The following GLT1D1 variants were observed in gnomAD, a reference collection of about 807,000 sequenced individuals.
GLT1D1 encodes the protein glycosyltransferase 1 domain-containing protein 1.
In GLT1D1, 21 loss-of-function variants were observed where a neutral mutation model predicts 28.7. The ratio of observed to expected loss-of-function variants is 0.73; its 90% CI spans 0.52 to 1.05. GLT1D1 has a LOEUF of 1.05. GLT1D1 is among the 50% of genes least tolerant of loss of function. GLT1D1 has a pLI of 0.00. For missense variants in GLT1D1, 343 were observed against 330.6 expected (o/e 1.04, Z -0.29); for synonymous variants, 147 against 124.8 (o/e 1.18, Z -1.19).
chr12:128,970,098 T>C (rs961482166), intron 7 of GLT1D1, among the ~76,000 whole-genome samples: 1 of 152,158 alleles, frequency 6.6e-6, no homozygotes, highest in Non-Finnish European at 1.5e-5. Context: ...CCGAAGGCCG[T>C]TTCTGGGGTA....
At chr12:128,964,129 G>A (rs1878227890) in intron 7 of GLT1D1, among the ~76,000 whole-genome samples, 1 of 152,150 alleles carries the variant, frequency 6.6e-6, no homozygotes, top group Non-Finnish European at 1.5e-5. Flanking sequence ...GCTGGCTCAT[G>A]CCTGTAATCC....
chr12:128,859,623 T>A (rs895111218), intron 1 of GLT1D1, among the ~76,000 whole-genome samples: 17 of 152,178 alleles, frequency 1.1e-4, no homozygotes, highest in Non-Finnish European at 1.5e-5. Flanking sequence ...GGTCAGGAGA[T>A]GTGGCTGGAG....
At chr12:128,863,546 A>AT (rs1246647354) in intron 1 of GLT1D1, among the ~76,000 whole-genome samples, 1 of 145,348 alleles carries the variant, frequency 6.9e-6, no homozygotes, top group Non-Finnish European at 1.5e-5. Flanking sequence ...CTAATTTGGT[A>AT]TTTTTTTAGT....
At chr12:128,957,760 C>T (rs1462136679) in intron 7 of GLT1D1, 117 bp downstream of exon 11, 14 of 672,280 alleles carry the variant, frequency 2.1e-5, no homozygotes, top group Admixed American at 4.4e-5. Flanking sequence ...CGGAGCCCTG[C>T]GGAGAGCATG....
chr12:128,914,457 G>C lies in GLT1D1; in HGVS notation c.375+15170G>C, dbSNP rs186665266. On this transcript the variant is annotated intron_variant, in intron 4 of 7. Transcript: ENST00000281703. ...AACCCTCCTGTGCTGAAGGATTCAT[G>C]GGACTTCAGTGACACACTCAGAGCA... Among the ~76,000 whole-genome samples, 389 of 152,242 alleles carry C rather than the reference G, an allele frequency of 2.6e-3. 1 individual carries two copies. Among genetic ancestry groups the C allele is most frequent in the African/African-American group, 9.0e-3 (373 of 41,540 alleles).
chr12:128,947,416 G>A lies in GLT1D1; in HGVS notation c.498G>A (p.Val166=). 6.2e-7 allele frequency: 1 copy of A among 1,614,146 alleles called. No individual in the cohort carries two copies. The highest frequency in any genetic ancestry group is 8.5e-7 in the Non-Finnish European group (1 of 1,180,024). Residue 166 remains valine, a synonymous_variant, in exon 6 of 8, where the codon GTG becomes GTA. Transcript: ENST00000281703. ...TGGTGAAGAATTGCTTCGCGGTGGT[G>A]AATAGCTCTGTCTCTGAAGGCATGT...
At chr12:128,935,300 G>A (rs977922800) in intron 4 of GLT1D1, among the ~76,000 whole-genome samples, 10 of 152,268 alleles carry the variant, frequency 6.6e-5, no homozygotes. Flanking sequence ...TAATCCTTTT[G>A]GGAGGCTGAG....
At chr12:128,888,539 C>A (rs771150172) in intron 2 of GLT1D1, 100 bp from the exon 3 acceptor site, 3 of 729,196 alleles carry the variant, frequency 4.1e-6, no homozygotes, top group East Asian at 2.7e-5. Flanking sequence ...ACAGCTCCGG[C>A]GATCTGGGAA....
At chr12:128,968,509 A>G (rs1878709828) in intron 7 of GLT1D1, among the ~76,000 whole-genome samples, 2 of 147,186 alleles carry the variant, frequency 1.4e-5, no homozygotes, top group South Asian at 4.2e-4. Flanking sequence ...TAAAAATACA[A>G]AAAATCAGCT....
At chr12:128,966,641 C>A (rs957546894) in intron 7 of GLT1D1, among the ~76,000 whole-genome samples, 1 of 152,160 alleles carries the variant, frequency 6.6e-6, no homozygotes, top group African/African-American at 2.4e-5. Flanking sequence ...CAGCACCTGG[C>A]ACTAAATGTG....
Position 128,982,958 on chromosome 12 carries a change from T to G in GLT1D1, c.669T>G (p.Val223=). 1 of 1,614,110 alleles carries G rather than the reference T, an allele frequency of 6.2e-7. No individual in the cohort carries two copies. Among genetic ancestry groups the G allele is most frequent in the Non-Finnish European group, 8.5e-7 (1 of 1,179,966 alleles). The change falls in exon 8 of 8, where the codon GTT becomes GTG. Residue 223 remains valine (V), a synonymous_variant. Transcript: ENST00000281703. ...TTGTTCATCTGGCAAAGAGACTGGT[T>G]AGTGATCCTGCATTAGAAAAGGAAA...
chr12:128,944,310 A>G, intron 4 of GLT1D1: 1 of 677,302 alleles, frequency 1.5e-6, no homozygotes, highest in South Asian at 1.4e-5. Flanking sequence ...GAGGAACGTC[A>G]GTTTGGAGGA....
chr12:128,878,500 G>A lies in GLT1D1; in HGVS notation c.217+2438G>A, dbSNP rs117867970. Among the ~76,000 whole-genome samples the A allele has an allele frequency of 2.5e-3, 383 of 152,278 alleles. 1 individual carries two copies. Among genetic ancestry groups the A allele is most frequent in the Non-Finnish European group, 3.7e-3 (253 of 68,032 alleles). On this transcript the variant is annotated intron_variant, in intron 2 of 7. Coordinates refer to ENST00000281703, the MANE Select transcript of GLT1D1 (RefSeq NM_144669.3). ...TTTGTGCTTCCATATTTTTGCATCC[G>A]TGCCTGAACAATCTAAATGAACTGT...
At chr12:128,887,343 CT>C (rs1868509799) in intron 2 of GLT1D1, among the ~76,000 whole-genome samples, 1 of 152,166 alleles carries the variant, frequency 6.6e-6, no homozygotes, top group African/African-American at 2.4e-5. Flanking sequence ...TCTTCCAGGT[CT>C]CTTTCCCAGA....
At chr12:128,979,758 A>AAC (rs1464868864) in intron 7 of GLT1D1, among the ~76,000 whole-genome samples, 1 of 151,990 alleles carries the variant, frequency 6.6e-6, no homozygotes, top group African/African-American at 2.4e-5. Context: ...GTCTCAAAAA[A>AAC]AAAAAGATGA....
At chr12:128,956,617 A>G (rs1877340890) in intron 6 of GLT1D1, among the ~76,000 whole-genome samples, 1 of 152,126 alleles carries the variant, frequency 6.6e-6, no homozygotes. Context: ...GGGGGTTACA[A>G]AGTGATGATT....
chr12:128,921,315 G>C (rs1279628454), intron 4 of GLT1D1, among the ~76,000 whole-genome samples: 1 of 151,936 alleles, frequency 6.6e-6, no homozygotes, highest in East Asian at 1.9e-4. Flanking sequence ...TGAGGGGAGA[G>C]GAAAGGAATA....
Position 128,983,054 on chromosome 12 carries a change from G to A in GLT1D1, c.765G>A (p.Gln255=). ...AGGTGGAAAGAGACACCTACCAACAGCTCATCAGGAAGCTGGAAGGAAGCA... is the reference window on the plus strand; with the variant it reads ...AGGTGGAAAGAGACACCTACCAACAACTCATCAGGAAGCTGGAAGGAAGCA... The change falls in exon 8 of 8, where the codon CAG becomes CAA. Residue 255 remains glutamine (Q), a synonymous_variant. Transcript: ENST00000281703. This position sits in a 1 kb window ranked among gnomAD's most constrained non-coding sequence, Gnocchi z 4.7. 1 of 1,614,130 alleles carries A rather than the reference G, an allele frequency of 6.2e-7. No homozygotes were observed. Among genetic ancestry groups the A allele is most frequent in the Non-Finnish European group, 8.5e-7 (1 of 1,179,996 alleles).
chr12:128,912,743 A>G (rs1029712157), intron 4 of GLT1D1, among the ~76,000 whole-genome samples: 50 of 151,828 alleles, frequency 3.3e-4, no homozygotes, highest in Admixed American at 9.2e-4. Context: ...GCTTACTGCA[A>G]CCTCTGCCTC....
Sources: gnomAD v4.1 joint callset for allele counts (sites outside exome capture counted in the v4.1 genomes callset) on GRCh38, gnomAD v4.1.1 for gene constraint, Gnocchi (gnomAD v3.1) non-coding constraint, MANE v1.5 for transcripts, NCBI Gene and HGNC (gene_info 2026-07-23, HGNC 2026-07-21) for gene names.